Variants in TMTC1 observed in about 807,000 individuals in gnomAD.
TMTC1 encodes the protein protein O-mannosyl-transferase TMTC1.
In TMTC1, 73 loss-of-function variants were observed where a neutral mutation model predicts 104.8. The ratio of observed to expected loss-of-function variants is 0.70; its 90% confidence interval spans 0.58 to 0.85. The LOEUF is 0.85. Among genes scored for constraint, TMTC1 ranks in the 40% least tolerant of loss-of-function variants. The pLI is 0.00. For missense variants in TMTC1, 1,035 were observed against 1,096.1 expected (o/e 0.94, Z 0.79); for synonymous variants, 434 against 428.7 (o/e 1.01, Z -0.15).
chr12:29,714,029 T>C (rs1942009816), intron 5 of TMTC1, among the ~76,000 whole-genome samples: 1 of 152,168 alleles, frequency 6.6e-6, no homozygotes, highest in Non-Finnish European at 1.5e-5. Flanking sequence ...CAGTGTTCAA[T>C]GCACCAAGGT....
intron 4 of TMTC1, among the ~76,000 whole-genome samples, 180 bp from the exon 5 acceptor site, chr12:29,752,052 T>C (rs982312537): frequency 3.9e-5 from 6 of 152,142 alleles, no homozygotes; most frequent in Admixed American, 3.9e-4. Flanking sequence ...TAATTATGAA[T>C]GTTTTTTCAA....
chr12:29,519,454 T>C (rs1187863908), intron 12 of TMTC1: 1 of 152,226 alleles, frequency 6.6e-6, no homozygotes, highest in East Asian at 1.9e-4. Context: ...TTCTTCAAAG[T>C]AGCTTCCTGG....
intron 5 of TMTC1, among the ~76,000 whole-genome samples, chr12:29,655,854 G>A (rs1939728920): frequency 6.6e-6 from 1 of 151,434 alleles, no homozygotes; most frequent in Non-Finnish European, 1.5e-5. Context: ...ACTAAATGGG[G>A]AAAAAAAAGC....
chr12:29,514,280 G>A (rs1265103424), intron 16 of TMTC1, among the ~76,000 whole-genome samples: 9 of 152,066 alleles, frequency 5.9e-5, no homozygotes, highest in African/African-American at 1.4e-4. Flanking sequence ...AAATAAATGC[G>A]CAACTCTGAT....
intron 5 of TMTC1, among the ~76,000 whole-genome samples, chr12:29,656,161 C>T (rs1368373982): frequency 6.6e-6 from 1 of 151,994 alleles, no homozygotes; most frequent in East Asian, 1.9e-4. Flanking sequence ...AATCACCAGC[C>T]TACGACAGGA....
At chr12:29,643,821 T>TTA (rs1481150670) in intron 5 of TMTC1, among the ~76,000 whole-genome samples, 12 of 75,618 alleles carry the variant, frequency 1.6e-4, no homozygotes, top group African/African-American at 6.3e-4. Flanking sequence ...TTATATATAT[T>TTA]TATATATTTA....
intron 6 of TMTC1, among the ~76,000 whole-genome samples, chr12:29,624,464 G>A (rs911892545): frequency 3.9e-5 from 6 of 152,102 alleles, no homozygotes; most frequent in South Asian, 2.1e-4. Flanking sequence ...ACACAGTATC[G>A]CACACACTCG....
intron 5 of TMTC1, among the ~76,000 whole-genome samples, chr12:29,725,890 A>G (rs1373146218): frequency 6.6e-6 from 1 of 152,188 alleles, no homozygotes; most frequent in Admixed American, 6.5e-5. Context: ...TCAACACTTT[A>G]TTTTTTCTCT....
At chr12:29,680,155 T>A (rs1163976361) in intron 5 of TMTC1, among the ~76,000 whole-genome samples, 2 of 152,146 alleles carry the variant, frequency 1.3e-5, no homozygotes, top group African/African-American at 4.8e-5. Flanking sequence ...AAATGTACCA[T>A]CAATGAGATT....
At chr12:29,587,229 AT>A (rs1327823846) in intron 7 of TMTC1, among the ~76,000 whole-genome samples, 1 of 152,092 alleles carries the variant, frequency 6.6e-6, no homozygotes, top group African/African-American at 2.4e-5. Flanking sequence ...GCGTAGAGGT[AT>A]TTATAGTATT....
intron 5 of TMTC1, among the ~76,000 whole-genome samples, chr12:29,670,888 T>C (rs1940477628): frequency 1.4e-5 from 2 of 139,694 alleles, no homozygotes; most frequent in African/African-American, 5.7e-5. Flanking sequence ...CTAGCTGAGA[T>C]CGTGCCACTG....
In TMTC1 at chr12:29,688,477, C is replaced by A. The variant is rs554491759; in HGVS notation, c.939-55141G>T. The stretch of plus-strand genomic sequence containing the variant: ...GAGAAGAGTTCTGCAATATGTCAAT[C>A]CCCTAATGCTGTCTCTGCCACCATG... On this transcript the variant is annotated intron_variant, in intron 5 of 17. Transcript: ENST00000539277. 3.3e-5 allele frequency among the ~76,000 whole-genome samples: 5 copies of A among 152,214 alleles called. No individual in the cohort carries two copies. In the South Asian group the frequency reaches 1.0e-3, roughly 32 times the overall value.
At chr12:29,698,988 G>C (rs1455991477) in intron 5 of TMTC1, among the ~76,000 whole-genome samples, 1 of 152,152 alleles carries the variant, frequency 6.6e-6, no homozygotes, top group Non-Finnish European at 1.5e-5. Context: ...TTGACTTTTT[G>C]ATAGGTGAGG....
intron 6 of TMTC1, among the ~76,000 whole-genome samples, chr12:29,609,461 T>C (rs1474968807): frequency 6.6e-6 from 1 of 152,236 alleles, no homozygotes; most frequent in African/African-American, 2.4e-5. Flanking sequence ...TTTAAATTTA[T>C]CTAGATTCCT....
chr12:29,698,401 C>T (rs1306252310), intron 5 of TMTC1, among the ~76,000 whole-genome samples: 1 of 152,050 alleles, frequency 6.6e-6, no homozygotes, highest in Non-Finnish European at 1.5e-5. Context: ...TTTTGTACGC[C>T]ATTTTCTCCT....
chr12:29,663,194 C>T (rs1242984575), intron 5 of TMTC1, among the ~76,000 whole-genome samples: 2 of 152,212 alleles, frequency 1.3e-5, no homozygotes, highest in Non-Finnish European at 2.9e-5. Flanking sequence ...CTTCTCTCAG[C>T]TCTGCCTCTA....
At chr12:29,584,161 C>T (rs1321523471) in intron 7 of TMTC1, among the ~76,000 whole-genome samples, 1 of 152,184 alleles carries the variant, frequency 6.6e-6, no homozygotes, top group Non-Finnish European at 1.5e-5. Flanking sequence ...TCATCACAGA[C>T]AAGATGCATT....
intron 5 of TMTC1, among the ~76,000 whole-genome samples, chr12:29,634,817 T>A (rs551988191): frequency 1.3e-5 from 2 of 152,296 alleles, no homozygotes; most frequent in Non-Finnish European, 2.9e-5. Flanking sequence ...GCAAAGACAT[T>A]AGATGAGATA....
intron 5 of TMTC1, among the ~76,000 whole-genome samples, chr12:29,689,687 G>A (rs1941206396): frequency 6.6e-6 from 1 of 152,162 alleles, no homozygotes; most frequent in South Asian, 2.1e-4. Flanking sequence ...TTAATTATGT[G>A]AGTCTAGATG....
Sources: gnomAD v4.1 joint callset for allele counts (sites outside exome capture counted in the v4.1 genomes callset) on GRCh38, gnomAD v4.1.1 for gene constraint, MANE v1.5 for transcripts, NCBI Gene and HGNC (gene_info 2026-07-23, HGNC 2026-07-21) for gene names.